The following KSR2 variants were observed in gnomAD, a reference collection of about 807,000 sequenced individuals.
The protein encoded by KSR2 is kinase suppressor of ras 2.
Under a neutral mutation model 107.8 loss-of-function variants are expected in KSR2, and 25 were observed. The ratio of observed to expected loss-of-function variants is 0.23; its 90% CI spans 0.17 to 0.32. The LOEUF is 0.32. Among genes scored for constraint, KSR2 ranks in the 10% least tolerant of loss-of-function variants. KSR2 has a pLI of 1.00. For synonymous variants in KSR2, 480 were observed against 507.0 expected, an observed-to-expected ratio of 0.95 and a Z score of 0.71; for missense variants, 887 against 1,268.9, an observed-to-expected ratio of 0.70 and a Z score of 4.57.
chr12:117,848,820 GTGGTGATGGTGGTAGTGGTGGTGA>G (rs1462945129), intron 3 of KSR2, among the ~76,000 whole-genome samples: 8 of 139,190 alleles, frequency 5.7e-5, no homozygotes, highest in Non-Finnish European at 1.2e-4. Context: ...ATGGTGGTGG[GTGGTGATGGTGGTAGTGGTGGTGA>G]TGGTGATGAT....
chr12:117,647,472 G>A (rs1477352853), intron 5 of KSR2, among the ~76,000 whole-genome samples: 1 of 152,188 alleles, frequency 6.6e-6, no homozygotes, highest in Non-Finnish European at 1.5e-5. Context: ...GGTGCCATGG[G>A]TGGGAGGCTG....
At chr12:117,551,362 A>G (rs1051869568) in intron 9 of KSR2, among the ~76,000 whole-genome samples, 12 of 151,770 alleles carry the variant, frequency 7.9e-5, no homozygotes, top group East Asian at 5.8e-4. Flanking sequence ...AGCTACTTCC[A>G]TGCCCTGAGT....
intron 3 of KSR2, among the ~76,000 whole-genome samples, chr12:117,806,560 C>T (rs770739225): frequency 2.6e-5 from 4 of 152,206 alleles, no homozygotes; most frequent in Non-Finnish European, 2.9e-5. Flanking sequence ...GACACTTCAA[C>T]GGCATTTACA....
intron 5 of KSR2, among the ~76,000 whole-genome samples, chr12:117,642,306 C>G (rs7980301): frequency 0.91 from 138,430 of 152,270 alleles, 63,183 homozygotes; most frequent in East Asian, 0.99. Context: ...CCCATCACAG[C>G]GGGTGAGCAC....
chr12:117,909,177 C>T (rs888479397), intron 1 of KSR2, among the ~76,000 whole-genome samples: 1 of 152,204 alleles, frequency 6.6e-6, no homozygotes, highest in Non-Finnish European at 1.5e-5. Context: ...AATTACTTTA[C>T]TTTTACCTAC....
intron 3 of KSR2, among the ~76,000 whole-genome samples, chr12:117,827,026 C>A (rs1405144036): frequency 7.2e-6 from 1 of 138,070 alleles, no homozygotes; most frequent in African/African-American, 2.9e-5. Context: ...CACAGTGAGA[C>A]CCTGTCTCAA....
At chr12:117,478,035 T>C (rs1221963762) in intron 16 of KSR2, among the ~76,000 whole-genome samples, 1 of 152,088 alleles carries the variant, frequency 6.6e-6, no homozygotes, top group African/African-American at 2.4e-5. Flanking sequence ...GACTCAAGAC[T>C]CCTAGGAACT....
intron 1 of KSR2, among the ~76,000 whole-genome samples, chr12:117,957,902 G>A (rs1421663871): frequency 2.0e-5 from 3 of 149,360 alleles, no homozygotes; most frequent in African/African-American, 5.0e-5. Context: ...TGCAATCTCA[G>A]CTCGCTGCAA....
chr12:117,733,746 G>C (rs905449778), intron 4 of KSR2, among the ~76,000 whole-genome samples: 1 of 152,058 alleles, frequency 6.6e-6, no homozygotes, highest in Non-Finnish European at 1.5e-5. Context: ...TTTCCCCTCT[G>C]AATTATAATT....
At chr12:117,471,006 G>T (rs1871419539) in intron 18 of KSR2, among the ~76,000 whole-genome samples, 185 bp downstream of exon 18, 1 of 152,184 alleles carries the variant, frequency 6.6e-6, no homozygotes, top group Non-Finnish European at 1.5e-5. Context: ...ACCTGAAATT[G>T]CAGGCACAGT....
intron 14 of KSR2, among the ~76,000 whole-genome samples, chr12:117,513,007 C>T (rs1023794166): frequency 3.3e-5 from 5 of 152,004 alleles, no homozygotes; most frequent in Non-Finnish European, 7.4e-5. Flanking sequence ...TGTAGTTCAC[C>T]GCCCACCCCT....
At chr12:117,510,480 A>G (rs1873955372) in intron 14 of KSR2, among the ~76,000 whole-genome samples, 1 of 152,180 alleles carries the variant, frequency 6.6e-6, no homozygotes, top group African/African-American at 2.4e-5. Flanking sequence ...CATCCAGGAC[A>G]TCTAACTCCA....
At chr12:117,855,968 A>G (rs1893089608) in intron 2 of KSR2, among the ~76,000 whole-genome samples, 1 of 152,062 alleles carries the variant, frequency 6.6e-6, no homozygotes, top group African/African-American at 2.4e-5. Context: ...ACTCATCTAA[A>G]ATCCCAGCAC....
intron 4 of KSR2, among the ~76,000 whole-genome samples, chr12:117,677,980 G>A (rs1263163777): frequency 1.3e-5 from 2 of 152,124 alleles, no homozygotes; most frequent in African/African-American, 4.8e-5. Flanking sequence ...TGTTGACCAG[G>A]CTGCAGGGCA....
intron 4 of KSR2, among the ~76,000 whole-genome samples, chr12:117,713,651 G>A (rs549359929): frequency 1.7e-4 from 26 of 152,226 alleles, no homozygotes; most frequent in African/African-American, 6.3e-4. Flanking sequence ...GATGGAGAAG[G>A]GACAGTAAGA....
At chr12:117,469,955 C>T (rs1068940) in intron 18 of KSR2, among the ~76,000 whole-genome samples, 160 bp from the exon 19 acceptor site, 97,706 of 150,874 alleles carry the variant, frequency 0.65, 32,657 homozygotes, top group East Asian at 0.88. Context: ...CCATCCGGTA[C>T]GTGTCTACAC....
At chr12:117,927,046 A>G (rs748447241) in intron 1 of KSR2, among the ~76,000 whole-genome samples, 59 of 152,258 alleles carry the variant, frequency 3.9e-4, no homozygotes, top group Middle Eastern at 3.4e-3. Flanking sequence ...TTTTGGGGTA[A>G]TGATTTTATT....
chr12:117,495,507 G>C (rs922721469), intron 14 of KSR2, among the ~76,000 whole-genome samples: 1 of 152,190 alleles, frequency 6.6e-6, no homozygotes, highest in African/African-American at 2.4e-5. Flanking sequence ...ATTAAGTAAG[G>C]GGCTGGCTGG....
Position 117,785,141 on chromosome 12 carries a change from A to G in KSR2, c.473-23617T>C, listed in dbSNP as rs563900590. ...CGCAAAAGCAATCAACAGGCTGGGC[A>G]TGATGGCTCACGCCTGTAATCCCAG... On this transcript the variant is annotated intron_variant, in intron 3 of 19. Coordinates refer to ENST00000339824, the MANE Select transcript of KSR2 (RefSeq NM_173598.6). Among the ~76,000 whole-genome samples, 19 of 152,338 alleles carry G rather than the reference A, an allele frequency of 1.2e-4. No individual in the cohort carries two copies. The East Asian group carries it at 3.7e-3, about 29-fold the overall frequency.
Sources: gnomAD v4.1 joint callset for allele counts (sites outside exome capture counted in the v4.1 genomes callset) on GRCh38, gnomAD v4.1.1 for gene constraint, MANE v1.5 for transcripts, NCBI Gene and HGNC (gene_info 2026-07-23, HGNC 2026-07-21) for gene names.